MGST1: variants seen among roughly 807,000 people sequenced by gnomAD.
MGST1 encodes the protein microsomal glutathione S-transferase 1, also known as glutathione S-transferase 12.
Under a neutral mutation model 8.9 loss-of-function variants are expected in MGST1, and 5 were observed. The ratio of observed to expected loss-of-function variants is 0.56; its 90% CI spans 0.29 to 1.19. The LOEUF is 1.19. Ranked by LOEUF, MGST1 falls within the 50% of genes most tolerant of loss-of-function variation. The pLI is 0.08. For synonymous variants in MGST1, 54 were observed against 67.8 expected, an observed-to-expected ratio of 0.80 and a Z score of 1.00; for missense variants, 182 against 187.4, an observed-to-expected ratio of 0.97 and a Z score of 0.17.
At chr12:16,360,459 A>G in intron 3 of MGST1, 3 of 698,906 alleles carry the variant, frequency 4.3e-6, no homozygotes, top group Non-Finnish European at 5.3e-6. Context: ...ATGTGTTGAA[A>G]TACCAAGATA....
intron 3 of MGST1, 73 bp downstream of exon 3, chr12:16,357,772 A>C: frequency 1.3e-5 from 16 of 1,208,898 alleles, no homozygotes; most frequent in Non-Finnish European, 1.7e-5. Flanking sequence ...AAGATGTCTC[A>C]GGGTCTTGGA....
At position 16,586,973 on chromosome 12, in the gene MGST1, G is replaced by A. The variant is rs975340708; in HGVS notation, n.483-2555G>A. ...ACACATGCTTTATCATCATTCAGTA[G>A]CAGTTTATTCATTAGAACATTCTGT... On this transcript the variant is annotated intron_variant and non_coding_transcript_variant, in intron 4 of 4. Transcript: ENST00000538857. The surrounding 1 kb of genome is among the most constrained non-coding windows in gnomAD (Gnocchi z 4.3). 6.6e-6 allele frequency among the ~76,000 whole-genome samples: 1 copy of A among 152,136 alleles called. No homozygotes were observed. The highest frequency in any genetic ancestry group is 1.5e-5 in the Non-Finnish European group (1 of 68,028).
chr12:16,416,082 G>A (rs1325378737), intron 1 of MGST1, among the ~76,000 whole-genome samples: 1 of 152,052 alleles, frequency 6.6e-6, no homozygotes, highest in Non-Finnish European at 1.5e-5. Context: ...AGGGTCACCT[G>A]GGCCTACCAT....
rs1310815825 is a variant in MGST1, at chr12:16,513,003, GAGTA to G, written n.483-76521_483-76518del. Among the ~76,000 whole-genome samples the G allele has an allele frequency of 6.6e-6, 1 of 152,192 alleles. No homozygotes were observed. On this transcript the variant is annotated intron_variant and non_coding_transcript_variant, in intron 4 of 4. Transcript: ENST00000538857. This position sits in a 1 kb window ranked among gnomAD's most constrained non-coding sequence, Gnocchi z 4.2. ...TCCCCAACCGTCTCTAGGGACCTCA[GAGTA>G]AGTGTTTGTAACTAATCTACTTTTC...
intron 4 of MGST1, among the ~76,000 whole-genome samples, chr12:16,522,144 A>G (rs1010054585): frequency 1.3e-5 from 2 of 152,128 alleles, no homozygotes; most frequent in Non-Finnish European, 2.9e-5. Context: ...GCGCTCGTAC[A>G]TAGGTTTTAC....
chr12:16,530,665 A>G (rs1003566619), intron 4 of MGST1, among the ~76,000 whole-genome samples: 1 of 152,114 alleles, frequency 6.6e-6, no homozygotes, highest in African/African-American at 2.4e-5. Flanking sequence ...TTGCATAGAT[A>G]CAAGACAGAC....
downstream of MGST1, among the ~76,000 whole-genome samples, chr12:16,443,131 C>T (rs895953036): frequency 5.9e-5 from 9 of 151,726 alleles, no homozygotes; most frequent in African/African-American, 2.2e-4. Flanking sequence ...TGTGCTACTT[C>T]TTACTTTCGA....
intron 4 of MGST1, among the ~76,000 whole-genome samples, chr12:16,455,878 A>G (rs768413759): frequency 1.3e-5 from 2 of 151,910 alleles, no homozygotes; most frequent in African/African-American, 4.8e-5. Flanking sequence ...AATTTTCAAT[A>G]GTAAGTTATT....
rs144204358 is a variant in MGST1 at position 16,389,902 on chromosome 12, G to A, written n.778+6298G>A. On this transcript the variant is annotated intron_variant and non_coding_transcript_variant, in intron 1 of 1. Coordinates refer to the MGST1 transcript ENST00000359720. This position sits in a 1 kb window ranked among gnomAD's most constrained non-coding sequence, Gnocchi z 4.6. ...GTAATGAAGAGTGAGGCAGGATTGCGTAAGTAGAAAAAGAGAAAAAGAGAG... is the reference window on the plus strand; with the variant it reads ...GTAATGAAGAGTGAGGCAGGATTGCATAAGTAGAAAAAGAGAAAAAGAGAG... Among the ~76,000 whole-genome samples the A allele has an allele frequency of 8.5e-5, 13 of 152,274 alleles. No homozygotes were observed. The highest frequency in any genetic ancestry group is 1.9e-4 in the East Asian group (1 of 5,176).
At chr12:16,385,336 T>A (rs1249652788) in intron 1 of MGST1, among the ~76,000 whole-genome samples, 1 of 152,164 alleles carries the variant, frequency 6.6e-6, no homozygotes, top group Non-Finnish European at 1.5e-5. Flanking sequence ...AGTCTAAAAT[T>A]TCTTTTGTCA....
intron 3 of MGST1, chr12:16,370,013 A>T (rs1591708385): frequency 6.6e-6 from 1 of 152,326 alleles, no homozygotes; most frequent in African/African-American, 2.4e-5. Flanking sequence ...GGCCACTTAT[A>T]CAGTCAATCT....
chr12:16,531,779 C>T (rs113664723), intron 4 of MGST1, among the ~76,000 whole-genome samples: 8 of 152,158 alleles, frequency 5.3e-5, no homozygotes, highest in South Asian at 4.1e-4. Flanking sequence ...CTTCTTTGTG[C>T]GGTATTGTTT....
At chr12:16,383,571 C>T (rs1007449289) in exon 1 of MGST1, 1 of 152,336 alleles carries the variant, frequency 6.6e-6, no homozygotes, top group Non-Finnish European at 1.5e-5. Context: ...AAGTGATTCT[C>T]CTGCCTCAGC....
downstream of MGST1, among the ~76,000 whole-genome samples, chr12:16,439,446 A>G (rs181528057): frequency 3.3e-5 from 5 of 151,848 alleles, no homozygotes; most frequent in African/African-American, 1.2e-4. Flanking sequence ...TGTTTAATTC[A>G]AAGATTGCTT....
intron 4 of MGST1, among the ~76,000 whole-genome samples, chr12:16,448,190 T>C (rs959900014): frequency 3.3e-5 from 5 of 152,008 alleles, no homozygotes; most frequent in African/African-American, 1.2e-4. Flanking sequence ...AGAAGAAACA[T>C]AAATATTTTA....
chr12:16,401,992 C>T lies in MGST1; in HGVS notation n.778+18388C>T. 1 of 1,612,074 alleles carries T rather than the reference C, an allele frequency of 6.2e-7. No homozygotes were observed. Among genetic ancestry groups the T allele is most frequent in the Non-Finnish European group, 8.5e-7 (1 of 1,178,200 alleles). ...TCATTCCAGCTCTTCATGAACTCTC[C>T]AGGGAATTTGTCTTTGCTGAACACT... On this transcript the variant is annotated intron_variant and non_coding_transcript_variant, in intron 1 of 1. Coordinates refer to the MGST1 transcript ENST00000359720. This position sits in a 1 kb window ranked among gnomAD's most constrained non-coding sequence, Gnocchi z 4.3.
chr12:16,375,109 G>A (rs1940358152), intron 3 of MGST1, among the ~76,000 whole-genome samples: 1 of 152,072 alleles, frequency 6.6e-6, no homozygotes, highest in Non-Finnish European at 1.5e-5. Context: ...TCAAAATCTT[G>A]GCTTCAAGTG....
chr12:16,425,613 G>A (rs1421989353), intron 1 of MGST1, among the ~76,000 whole-genome samples: 1 of 151,892 alleles, frequency 6.6e-6, no homozygotes. Context: ...TTAAACTATG[G>A]GGCACCACAC....
chr12:16,366,236 C>A (rs1351282656), downstream of MGST1, among the ~76,000 whole-genome samples: 1 of 152,254 alleles, frequency 6.6e-6, no homozygotes, highest in Non-Finnish European at 1.5e-5. This position sits in a 1 kb window ranked among gnomAD's most constrained non-coding sequence, Gnocchi z 4.0. Context: ...CTAGGGATTA[C>A]CCAGTTCAGT....
Sources: allele counts gnomAD v4.1 joint callset (sites outside exome capture counted in the v4.1 genomes callset), GRCh38; gene constraint gnomAD v4.1.1; non-coding constraint Gnocchi (gnomAD v3.1); transcripts MANE v1.5; gene names NCBI Gene and HGNC (gene_info 2026-07-23, HGNC 2026-07-21).